PRIM2: variants seen among roughly 807,000 people sequenced by gnomAD.
The protein encoded by PRIM2 is DNA primase subunit 2.
In PRIM2, 39 loss-of-function variants were observed where a neutral mutation model predicts 67.3. That is an observed-to-expected ratio of 0.58 (90% confidence interval 0.45 to 0.76). The LOEUF is 0.76. Ranked by LOEUF, PRIM2 falls within the 30% of genes least tolerant of loss-of-function variation. PRIM2 has a pLI of 0.00. For synonymous variants in PRIM2, 143 were observed against 198.7 expected (o/e 0.72, Z 2.36); for missense variants, 398 against 598.7 (o/e 0.66, Z 3.50).
At chr6:57,389,674 T>C (rs2397261) in intron 7 of PRIM2, among the ~76,000 whole-genome samples, 1 of 152,216 alleles carries the variant, frequency 6.6e-6, no homozygotes, top group South Asian at 2.1e-4. Context: ...GGCTCACTAA[T>C]TATTTGTTCG....
intron 8 of PRIM2, among the ~76,000 whole-genome samples, chr6:57,509,566 C>T (rs1554347519): frequency 6.6e-6 from 1 of 151,970 alleles, no homozygotes; most frequent in East Asian, 1.9e-4. Context: ...GGAGGAAGTC[C>T]GAACTTCTTA....
intron 5 of PRIM2, among the ~76,000 whole-genome samples, chr6:57,347,626 T>G (rs1562706108): frequency 6.6e-6 from 1 of 152,154 alleles, no homozygotes; most frequent in Admixed American, 6.5e-5. Flanking sequence ...TTTTCTTTTA[T>G]AGAAATAAGT....
At chr6:57,430,017 TGCCA>T (rs1417375545) in intron 7 of PRIM2, among the ~76,000 whole-genome samples, 6 of 152,336 alleles carry the variant, frequency 3.9e-5, no homozygotes, top group African/African-American at 1.4e-4. Context: ...TGTAGAACAT[TGCCA>T]GCCTAGAGTC....
At chr6:57,498,015 T>TA (rs1774045354) in intron 7 of PRIM2, among the ~76,000 whole-genome samples, 1 of 152,194 alleles carries the variant, frequency 6.6e-6, no homozygotes, top group African/African-American at 2.4e-5. Context: ...TTTCTGTTGT[T>TA]AAAATCAATG....
chr6:57,311,224 G>A (rs181353107), upstream of PRIM2, among the ~76,000 whole-genome samples: 2 of 139,962 alleles, frequency 1.4e-5, no homozygotes, highest in Middle Eastern at 3.8e-3. Context: ...GGGCAGAGGC[G>A]CTCCTCACCT....
intron 7 of PRIM2, among the ~76,000 whole-genome samples, chr6:57,494,730 ATG>A (rs1386373542): frequency 3.3e-5 from 5 of 152,202 alleles, no homozygotes; most frequent in Non-Finnish European, 7.4e-5. Context: ...AACAACCCTG[ATG>A]TGTTTGTTAC....
chr6:57,478,036 C>T lies in PRIM2; in HGVS notation c.694-29351C>T, dbSNP rs1271824438. ...TGATTGTTTTCTGTAAGTCTGATAA[C>T]GTGTATGTTTAATACCCGTAATACT... On this transcript the variant is annotated intron_variant, in intron 7 of 13. Coordinates refer to ENST00000615550, the MANE Select transcript of PRIM2 (RefSeq NM_000947.5). 1.3e-3 allele frequency among the ~76,000 whole-genome samples: 194 copies of T among 152,198 alleles called. 5 individuals are homozygous for T. The East Asian group carries it at 0.016, about 13-fold the overall frequency.
chr6:57,308,307 G>A, the PRIM2 span, among the ~76,000 whole-genome samples: 2 of 151,910 alleles, frequency 1.3e-5, no homozygotes, highest in Non-Finnish European at 2.9e-5. Context: ...ATTTTTTGTA[G>A]AGGCAGGGTT....
chr6:57,585,169 C>G (rs2127486421), intron 10 of PRIM2, among the ~76,000 whole-genome samples: 1 of 152,224 alleles, frequency 6.6e-6, no homozygotes, highest in Non-Finnish European at 1.5e-5. Flanking sequence ...AATGAAGAAG[C>G]TGGAGGCAAA....
At chr6:57,336,674 A>C (rs4283878) in intron 5 of PRIM2, among the ~76,000 whole-genome samples, 90,196 of 151,068 alleles carry the variant, frequency 0.6, 27,012 homozygotes, top group South Asian at 0.7. Flanking sequence ...GATTTTGTCA[A>C]CACCAGGCCT....
intron 8 of PRIM2, among the ~76,000 whole-genome samples, chr6:57,526,477 T>A (rs1334267177): frequency 6.6e-6 from 1 of 152,174 alleles, no homozygotes; most frequent in Non-Finnish European, 1.5e-5. Flanking sequence ...GGAAATCAAA[T>A]TCAGATTTTT....
intron 10 of PRIM2, among the ~76,000 whole-genome samples, chr6:57,581,197 A>C (rs1776078745): frequency 1.3e-5 from 2 of 152,120 alleles, no homozygotes; most frequent in Admixed American, 1.3e-4. Context: ...GTTTCTGTGG[A>C]GTGAAAAGAC....
At position 57,440,648 on chromosome 6, in the gene PRIM2, C is replaced by T. The variant is rs1772174835; in HGVS notation, c.693+58480C>T. ...TCAAGCTCTGCAGTATTCTCACTAACCCAGTCTTCATGAAATCTTTTGACA... is the reference window on the plus strand; with the variant it reads ...TCAAGCTCTGCAGTATTCTCACTAATCCAGTCTTCATGAAATCTTTTGACA... On this transcript the variant is annotated intron_variant, in intron 7 of 13. Transcript: ENST00000615550. Among the ~76,000 whole-genome samples the T allele has an allele frequency of 1.3e-5, 2 of 152,204 alleles. 1 individual carries two copies. The highest frequency in any genetic ancestry group is 4.8e-5 in the African/African-American group (2 of 41,442).
intron 12 of PRIM2, among the ~76,000 whole-genome samples, chr6:57,626,198 C>T (rs1776947108): frequency 6.6e-6 from 1 of 152,216 alleles, no homozygotes; most frequent in Non-Finnish European, 1.5e-5. Context: ...GCCAGGTAAT[C>T]ATCTGAACCT....
intron 7 of PRIM2, among the ~76,000 whole-genome samples, chr6:57,408,116 T>C (rs561882619): frequency 6.4e-4 from 97 of 152,350 alleles, no homozygotes; most frequent in African/African-American, 2.2e-3. Context: ...TTGGTGAGCA[T>C]AAATGTGCCA....
intron 7 of PRIM2, among the ~76,000 whole-genome samples, chr6:57,451,429 C>T (rs572549719): frequency 2.3e-4 from 35 of 152,202 alleles, no homozygotes; most frequent in African/African-American, 7.9e-4. Context: ...TGTGAGCCAC[C>T]GCATCTAGCC....
At chr6:57,604,049 G>A (rs1313935187) in intron 11 of PRIM2, among the ~76,000 whole-genome samples, 1 of 152,160 alleles carries the variant, frequency 6.6e-6, no homozygotes, top group African/African-American at 2.4e-5. Flanking sequence ...GATCATGCCT[G>A]TAATCCCAGC....
intron 10 of PRIM2, among the ~76,000 whole-genome samples, chr6:57,578,701 G>C (rs1776008185): frequency 7.1e-6 from 1 of 141,570 alleles, no homozygotes; most frequent in African/African-American, 2.6e-5. Context: ...TTTTGAGACG[G>C]AGTCTCGCTC....
chr6:57,265,777 G>A, the PRIM2 span, among the ~76,000 whole-genome samples: 209 of 152,170 alleles, frequency 1.4e-3, no homozygotes, highest in Admixed American at 2.2e-3. Flanking sequence ...TTGCTCATTT[G>A]GAGCAAATTT....
Sources: gnomAD v4.1 joint callset for allele counts (sites outside exome capture counted in the v4.1 genomes callset) on GRCh38, gnomAD v4.1.1 for gene constraint, MANE v1.5 for transcripts, NCBI Gene and HGNC (gene_info 2026-07-23, HGNC 2026-07-21) for gene names.